The following USP45 variants were observed in gnomAD, a reference collection of about 807,000 sequenced individuals.
USP45 encodes the protein ubiquitin specific peptidase 45.
A neutral mutation model predicts 95.8 loss-of-function variants in USP45; 89 were observed. The ratio of observed to expected loss-of-function variants is 0.93; its 90% CI spans 0.78 to 1.11. The LOEUF (loss-of-function observed/expected upper bound fraction) is 1.11, where lower values mean the gene tolerates loss of function less well. Ranked by LOEUF, USP45 falls within the 50% of genes least tolerant of loss-of-function variation. The probability of loss-of-function intolerance (pLI) is 0.00; values close to 1 mark genes in which losing one functional copy is unlikely to be tolerated. For missense variants in USP45, 898 were observed against 942.5 expected, an observed-to-expected ratio of 0.95 and a Z score of 0.62; for synonymous variants, 281 against 316.2, an observed-to-expected ratio of 0.89 and a Z score of 1.18.
intron 9 of USP45, 32 bp downstream of exon 9, chr6:99,476,111 G>A (rs1403830256): frequency 5.0e-6 from 8 of 1,587,588 alleles, no homozygotes; most frequent in Non-Finnish European, 6.9e-6. Context: ...TCTTCTTGAA[G>A]AGAATACATG....
In USP45 at chr6:99,488,771, ATC is replaced by A. The variant is rs750758472; in HGVS notation, c.526_527del (p.Asp176Ter). On this transcript the variant is annotated frameshift_variant, in exon 6 of 18. Transcript: ENST00000500704. LOFTEE classifies it high-confidence loss of function. ...TGCATTTTCCTCCCTTCTGTATTTC[ATC>A]TGTTTCACATTTTTCTTCACAAAGT... is the stretch of plus-strand genomic sequence containing the variant. The part of the protein sequence containing the change: ...MKLCEEKCET[D>X]EIQKGGKCRN... 3 of 1,602,852 alleles carry A rather than the reference ATC, an allele frequency of 1.9e-6. No individual in the cohort carries two copies. The highest frequency in any genetic ancestry group is 2.6e-6 in the Non-Finnish European group (3 of 1,176,024).
At chr6:99,499,109 G>C (rs1203050079) in intron 5 of USP45, among the ~76,000 whole-genome samples, 6 of 151,820 alleles carry the variant, frequency 4.0e-5, no homozygotes, top group African/African-American at 1.5e-4. Context: ...AAAAGTAAAG[G>C]AATAAAGAAA....
chr6:99,492,762 G>T (rs1312876193), intron 5 of USP45, among the ~76,000 whole-genome samples: 1 of 152,092 alleles, frequency 6.6e-6, no homozygotes, highest in Non-Finnish European at 1.5e-5. Flanking sequence ...AAAGCACTGG[G>T]ATTATAGGAG....
chr6:99,484,369 G>C, intron 7 of USP45, among the ~76,000 whole-genome samples: 1 of 142,882 alleles, frequency 7.0e-6, no homozygotes, highest in East Asian at 2.2e-4. Flanking sequence ...GGGTAGAGGG[G>C]GGGTCTCACT....
intron 5 of USP45, among the ~76,000 whole-genome samples, chr6:99,500,454 A>G (rs1026882736): frequency 3.9e-5 from 6 of 152,250 alleles, no homozygotes; most frequent in South Asian, 4.1e-4. Flanking sequence ...CATACCGTCC[A>G]TGCTCCCTTC....
upstream of USP45, among the ~76,000 whole-genome samples, chr6:99,517,175 C>T (rs1801165516): frequency 6.6e-6 from 1 of 151,720 alleles, no homozygotes; most frequent in Admixed American, 6.6e-5. Context: ...GTAAAATTTA[C>T]TACTTGATGG....
At chr6:99,457,153 CA>C (rs1161956580) in intron 13 of USP45, among the ~76,000 whole-genome samples, 1 of 152,154 alleles carries the variant, frequency 6.6e-6, no homozygotes, top group Non-Finnish European at 1.5e-5. Flanking sequence ...CAATGGTGCC[CA>C]AAACTTCATT....
chr6:99,446,533 TA>T lies in USP45; in HGVS notation c.1309-71del, dbSNP rs201104976. ...ATTGAAAATAAATGCCAATAATTCTTAAACATATCATAGTTATTAAATACCA... is the reference window on the plus strand; with the variant it reads ...ATTGAAAATAAATGCCAATAATTCTTAACATATCATAGTTATTAAATACCA... On this transcript the variant is annotated intron_variant, in intron 13 of 17. Transcript: ENST00000500704. The T allele has an allele frequency of 8.3e-4, 1,105 of 1,337,788 alleles. 3 individuals carry two copies. The East Asian group carries it at 9.9e-3, about 12-fold the overall frequency. The allele number at this position is 1,337,788 out of a possible 1,614,324, so 82.9% of individuals were successfully genotyped here.
At chr6:99,504,914 G>A (rs151174267) in intron 4 of USP45, among the ~76,000 whole-genome samples, 11 of 152,112 alleles carry the variant, frequency 7.2e-5, no homozygotes, top group South Asian at 4.1e-4. Context: ...TTGAGATTGA[G>A]AAATCCTGGC....
At chr6:99,436,111 TCA>T (rs1391260191) in intron 17 of USP45, among the ~76,000 whole-genome samples, 1 of 152,088 alleles carries the variant, frequency 6.6e-6, no homozygotes. Context: ...CATCAACCTG[TCA>T]TCTACATTAC....
At chr6:99,515,274 G>A (rs1304331948) in intron 1 of USP45, 118 bp downstream of exon 1, 5 of 152,206 alleles carry the variant, frequency 3.3e-5, no homozygotes, top group African/African-American at 1.2e-4. Flanking sequence ...GAGTGGGGTG[G>A]GGAGCCTCTC....
intron 5 of USP45, among the ~76,000 whole-genome samples, chr6:99,489,064 A>G (rs1167767454): frequency 6.6e-6 from 1 of 152,212 alleles, no homozygotes; most frequent in East Asian, 1.9e-4. Context: ...TTGCAGATGA[A>G]TTAAAAAACT....
intron 13 of USP45, among the ~76,000 whole-genome samples, chr6:99,455,728 A>G (rs1784889309): frequency 6.6e-6 from 1 of 151,044 alleles, no homozygotes; most frequent in African/African-American, 2.4e-5. Context: ...CATTTGCATC[A>G]ACATGGGTTG....
intron 7 of USP45, among the ~76,000 whole-genome samples, chr6:99,484,027 A>C (rs1305384059): frequency 1.2e-4 from 1 of 8,624 alleles, no homozygotes; most frequent in East Asian, 0.016. Flanking sequence ...TTTTTTTTTA[A>C]AGAGACAGGG....
At chr6:99,482,535 T>C in intron 8 of USP45, 1 of 414,470 alleles carries the variant, frequency 2.4e-6, no homozygotes, top group Non-Finnish European at 4.2e-6. Flanking sequence ...GCCATTTAAT[T>C]TCTGTGTCTC....
chr6:99,450,293 A>G (rs1217086348), intron 13 of USP45, among the ~76,000 whole-genome samples: 2 of 152,072 alleles, frequency 1.3e-5, no homozygotes, highest in African/African-American at 4.8e-5. Context: ...CTAGCAAGAC[A>G]AATAAAGAAG....
At chr6:99,445,397 C>T (rs899237628) in intron 14 of USP45, among the ~76,000 whole-genome samples, 24 of 151,488 alleles carry the variant, frequency 1.6e-4, no homozygotes, top group Non-Finnish European at 7.4e-5. Context: ...GCAGAATAAT[C>T]GCTTGAACTC....
intron 5 of USP45, among the ~76,000 whole-genome samples, chr6:99,503,180 C>G (rs911439732): frequency 6.6e-6 from 1 of 152,012 alleles, no homozygotes; most frequent in African/African-American, 2.4e-5. Context: ...TAAAAGTGAC[C>G]ATGGCCAGTA....
In USP45 at chr6:99,488,676, C is replaced by T. The variant is rs759707271; in HGVS notation, c.618+5G>A. ...CATATTACAAAGCTTTCTGATGACT[C>T]TTACCTGCATGACTGCATTAAAAAA... is the stretch of plus-strand genomic sequence containing the variant. On this transcript the variant is annotated splice_donor_5th_base_variant and intron_variant, in intron 6 of 17. Coordinates refer to ENST00000500704, the MANE Select transcript of USP45 (RefSeq NM_001346022.3). 3.1e-6 allele frequency: 5 copies of T among 1,597,406 alleles called. No homozygotes were observed. The South Asian group carries it at 5.7e-5, about 18-fold the overall frequency.
Sources: allele counts gnomAD v4.1 joint callset (sites outside exome capture counted in the v4.1 genomes callset), GRCh38; gene constraint gnomAD v4.1.1; transcripts MANE v1.5; gene names NCBI Gene and HGNC (gene_info 2026-07-23, HGNC 2026-07-21).